Variants in KCNIP4 observed in about 807,000 individuals in gnomAD.
KCNIP4 encodes the protein Kv channel-interacting protein 4.
Under a neutral mutation model 34.0 loss-of-function variants are expected in KCNIP4, and 12 were observed. The ratio of observed to expected loss-of-function variants is 0.35; its 90% confidence interval spans 0.23 to 0.57. The LOEUF is 0.57. KCNIP4 is among the 20% of genes least tolerant of loss of function. KCNIP4 has a pLI of 0.83. For synonymous variants in KCNIP4, 124 were observed against 102.2 expected, an observed-to-expected ratio of 1.21 and a Z score of -1.29; for missense variants, 238 against 311.7, an observed-to-expected ratio of 0.76 and a Z score of 1.78.
intron 1 of KCNIP4, among the ~76,000 whole-genome samples, chr4:21,602,554 A>G (rs1743273702): frequency 6.6e-6 from 1 of 152,198 alleles, no homozygotes; most frequent in South Asian, 2.1e-4. Flanking sequence ...TTTCACATGT[A>G]TAGAAAGATA....
At chr4:21,749,972 T>C (rs900985371) in intron 1 of KCNIP4, among the ~76,000 whole-genome samples, 1 of 152,208 alleles carries the variant, frequency 6.6e-6, no homozygotes, top group African/African-American at 2.4e-5. Flanking sequence ...TGGTTCCAGT[T>C]ACCAGCTGTC....
chr4:20,857,466 TTTAA>T (rs894679037), intron 2 of KCNIP4, among the ~76,000 whole-genome samples: 3 of 147,916 alleles, frequency 2.0e-5, no homozygotes, highest in Admixed American at 6.8e-5. Flanking sequence ...CAGAGTGAGG[TTTAA>T]TTGTTTATTT....
intron 1 of KCNIP4, among the ~76,000 whole-genome samples, chr4:21,876,807 A>G (rs1000092850): frequency 1.3e-5 from 2 of 152,176 alleles, no homozygotes; most frequent in African/African-American, 4.8e-5. Context: ...CTATACATTT[A>G]TTTTATATAC....
chr4:20,798,275 T>C (rs1713743348), intron 3 of KCNIP4, among the ~76,000 whole-genome samples: 1 of 152,204 alleles, frequency 6.6e-6, no homozygotes, highest in Non-Finnish European at 1.5e-5. Context: ...ACTCTGAAAG[T>C]TGTGAAAGCT....
chr4:21,336,232 T>C (rs1049397469), intron 1 of KCNIP4, among the ~76,000 whole-genome samples: 3 of 152,282 alleles, frequency 2.0e-5, no homozygotes, highest in South Asian at 4.1e-4. Context: ...TTATTTATCC[T>C]ATTTCCTATT....
intron 1 of KCNIP4, among the ~76,000 whole-genome samples, chr4:21,149,066 C>T (rs1752585364): frequency 6.6e-6 from 1 of 152,044 alleles, no homozygotes; most frequent in Non-Finnish European, 1.5e-5. Flanking sequence ...ATAATTATTT[C>T]TTGGTCCCTA....
intron 1 of KCNIP4, among the ~76,000 whole-genome samples, chr4:21,528,800 AAAGGAAGG>A (rs1157389642): frequency 2.0e-4 from 5 of 25,062 alleles, no homozygotes; most frequent in Non-Finnish European, 2.5e-4. Flanking sequence ...AGAAAGGAAG[AAAGGAAGG>A]AAGGAAGGAA....
At position 20,729,471 on chromosome 4, in the gene KCNIP4, C is replaced by CTAATTTTTAAATGTT. The variant is rs1747252834; in HGVS notation, c.*596_*610dup. 6.6e-6 allele frequency: 1 copy of CTAATTTTTAAATGTT among 151,228 alleles called. No homozygotes were observed. The highest frequency in any genetic ancestry group is 1.5e-5 in the Non-Finnish European group (1 of 67,852). The allele number at this position is 151,228 out of a possible 1,614,324, so 9.4% of individuals were successfully genotyped here. A position where few individuals can be genotyped will look rare whatever the true frequency, so the allele number is the denominator to read the frequency against. On this transcript the variant is annotated 3_prime_UTR_variant, in exon 9 of 9. Coordinates refer to ENST00000382152, the MANE Select transcript of KCNIP4 (RefSeq NM_025221.6). ...GCATATGCTGATATCTGATAATAAACTAATTTTTAAATGTTTAATAATTTT... is the reference window on the plus strand; with the variant it reads ...GCATATGCTGATATCTGATAATAAACTAATTTTTAAATGTTTAATTTTTAAATGTTTAATAATTTT...
intron 1 of KCNIP4, among the ~76,000 whole-genome samples, chr4:21,076,482 G>A (rs978672286): frequency 6.6e-6 from 1 of 151,932 alleles, no homozygotes; most frequent in Non-Finnish European, 1.5e-5. Flanking sequence ...TGAATTCTTG[G>A]CAAGGAACCA....
At chr4:21,352,019 G>C (rs1288847279) in intron 1 of KCNIP4, among the ~76,000 whole-genome samples, 1 of 152,094 alleles carries the variant, frequency 6.6e-6, no homozygotes, top group Non-Finnish European at 1.5e-5. Flanking sequence ...TATGTCCTGA[G>C]GCCATTTGGT....
chr4:20,782,538 AG>A (rs1477214979), intron 3 of KCNIP4, among the ~76,000 whole-genome samples: 1 of 152,178 alleles, frequency 6.6e-6, no homozygotes, highest in Non-Finnish European at 1.5e-5. Context: ...GGAAGCTGCC[AG>A]GGCTTAGGGC....
chr4:21,806,347 T>C (rs944358485), intron 1 of KCNIP4, among the ~76,000 whole-genome samples: 1 of 152,244 alleles, frequency 6.6e-6, no homozygotes, highest in African/African-American at 2.4e-5. Context: ...TCTTGCCGTT[T>C]ACAATTCTGT....
chr4:21,371,252 G>T lies in KCNIP4; in HGVS notation c.62-488543C>A, dbSNP rs534778742. On this transcript the variant is annotated intron_variant, in intron 1 of 8. Coordinates refer to ENST00000382152, the MANE Select transcript of KCNIP4 (RefSeq NM_025221.6). ...GTTTCACCAGGAAAGTGAAACTTCT[G>T]CTGAGCTTTGAGGCATTTATGGGAT... Among the ~76,000 whole-genome samples the T allele has an allele frequency of 2.8e-3, 412 of 146,154 alleles. 64 individuals carry two copies. The highest frequency in any genetic ancestry group is 0.011 in the African/African-American group (394 of 36,106).
intron 1 of KCNIP4, among the ~76,000 whole-genome samples, chr4:21,252,169 C>T (rs1299972272): frequency 6.9e-6 from 1 of 144,292 alleles, no homozygotes; most frequent in East Asian, 2.1e-4. Context: ...CGCTCTGTTG[C>T]CAGGCTGGAG....
At chr4:20,978,341 T>C (rs1240082062) in intron 1 of KCNIP4, among the ~76,000 whole-genome samples, 2 of 152,260 alleles carry the variant, frequency 1.3e-5, no homozygotes, top group Non-Finnish European at 1.5e-5. Flanking sequence ...TTACTTATTA[T>C]GTGGGATAAA....
intron 1 of KCNIP4, among the ~76,000 whole-genome samples, chr4:21,138,018 C>T (rs1277874884): frequency 6.6e-6 from 1 of 151,896 alleles, no homozygotes; most frequent in Non-Finnish European, 1.5e-5. Flanking sequence ...ACTACAGGCA[C>T]ATGCCATCAC....
chr4:21,269,350 G>T (rs1472971231), intron 1 of KCNIP4, among the ~76,000 whole-genome samples: 1 of 152,084 alleles, frequency 6.6e-6, no homozygotes, highest in Non-Finnish European at 1.5e-5. Context: ...TAAATCCAAG[G>T]AGTCTGTCTC....
intron 1 of KCNIP4, among the ~76,000 whole-genome samples, chr4:21,123,406 C>A (rs959663644): frequency 6.6e-6 from 1 of 152,112 alleles, no homozygotes; most frequent in African/African-American, 2.4e-5. Flanking sequence ...AGTTAAAAGT[C>A]AACCATTTGT....
At chr4:21,826,867 G>T (rs1036533818) in intron 1 of KCNIP4, among the ~76,000 whole-genome samples, 14 of 152,032 alleles carry the variant, frequency 9.2e-5, no homozygotes, top group African/African-American at 3.1e-4. Flanking sequence ...AAAAGTTTGA[G>T]ATTTCAAGTA....
Sources: allele counts gnomAD v4.1 joint callset (sites outside exome capture counted in the v4.1 genomes callset), GRCh38; gene constraint gnomAD v4.1.1; transcripts MANE v1.5; gene names NCBI Gene and HGNC (gene_info 2026-07-23, HGNC 2026-07-21).